Variants in PARD6G observed in about 807,000 individuals in gnomAD.
PARD6G encodes the protein partitioning defective 6 homolog gamma.
PARD6G carries 7 observed loss-of-function variants against 10.7 expected under a neutral mutation model. The observed-to-expected ratio is 0.66, with a 90% CI of 0.37 to 1.23. The LOEUF is 1.23. PARD6G is among the 50% of genes most tolerant of loss of function. The probability of loss-of-function intolerance (pLI) is 0.02; values close to 1 mark genes in which losing one functional copy is unlikely to be tolerated. For synonymous variants in PARD6G, 287 were observed against 269.4 expected (o/e 1.07, Z -0.64); for missense variants, 548 against 571.8 (o/e 0.96, Z 0.42).
intron 1 of PARD6G, among the ~76,000 whole-genome samples, chr18:80,224,576 G>A (rs186302933): frequency 1.1e-4 from 17 of 152,226 alleles, no homozygotes; most frequent in African/African-American, 1.4e-4. Flanking sequence ...GGCCGGGTGC[G>A]GTGGCTCACG....
rs766706380 is a variant in PARD6G at position 80,160,311 on chromosome 18, G to C, written c.591C>G (p.Arg197=). Residue 197 remains arginine (R), a synonymous_variant, in exon 3 of 3, where the codon CGC becomes CGG. Transcript: ENST00000353265. Reference sequence around the variant, plus strand: ...TCTCCGCCAGGCCCCCGGGTACCATGCGCGAGATGAAGATGCCGGGCACCT... The same window carrying C: ...TCTCCGCCAGGCCCCCGGGTACCATCCGCGAGATGAAGATGCCGGGCACCT... ...LEKVPGIFIS[R]MVPGGLAEST... The C allele has an allele frequency of 1.4e-5, 23 of 1,612,090 alleles. No homozygotes were observed. Among genetic ancestry groups the C allele is most frequent in the Non-Finnish European group, 1.8e-5 (21 of 1,179,854 alleles).
chr18:80,197,289 A>G (rs947965709), intron 2 of PARD6G, among the ~76,000 whole-genome samples: 2 of 152,230 alleles, frequency 1.3e-5, no homozygotes, highest in African/African-American at 4.8e-5. Context: ...TCTATGCTTG[A>G]TACTTGAAAA....
intron 2 of PARD6G, among the ~76,000 whole-genome samples, chr18:80,164,844 CAG>C (rs1289197287): frequency 6.6e-6 from 1 of 152,102 alleles, no homozygotes; most frequent in Admixed American, 6.5e-5. Flanking sequence ...GGGTGTAAAA[CAG>C]GGAGTGGGTA....
At chr18:80,234,234 T>C (rs1201847918) in intron 1 of PARD6G, among the ~76,000 whole-genome samples, 1 of 152,042 alleles carries the variant, frequency 6.6e-6, no homozygotes, top group Non-Finnish European at 1.5e-5. Flanking sequence ...TCATCTCAGG[T>C]CCCAGCTTCT....
chr18:80,172,306 C>T (rs1427006477), intron 2 of PARD6G, among the ~76,000 whole-genome samples: 1 of 151,968 alleles, frequency 6.6e-6, no homozygotes, highest in Non-Finnish European at 1.5e-5. Flanking sequence ...GCTTATTGGC[C>T]ACTTGAATAT....
chr18:80,168,049 T>A (rs1459283214), intron 2 of PARD6G, among the ~76,000 whole-genome samples: 2 of 152,170 alleles, frequency 1.3e-5, no homozygotes, highest in African/African-American at 4.8e-5. Context: ...CGACTCTGGT[T>A]CTTCCTGAAC....
intron 2 of PARD6G, among the ~76,000 whole-genome samples, chr18:80,187,298 C>G (rs1438556416): frequency 6.6e-6 from 1 of 152,118 alleles, no homozygotes; most frequent in Non-Finnish European, 1.5e-5. Flanking sequence ...ACAGCTGACT[C>G]CCTCCCAGTG....
At chr18:80,177,023 G>A (rs1025931261) in intron 2 of PARD6G, among the ~76,000 whole-genome samples, 5 of 78,766 alleles carry the variant, frequency 6.3e-5, no homozygotes, top group South Asian at 4.2e-4. Flanking sequence ...GCGCGCGCGC[G>A]TGCACACACA....
chr18:80,174,155 C>T (rs1410944185), intron 2 of PARD6G, among the ~76,000 whole-genome samples: 1 of 152,206 alleles, frequency 6.6e-6, no homozygotes. Flanking sequence ...TGTGCTGCAG[C>T]AAGTTCACAG....
In PARD6G at chr18:80,192,571, C is replaced by T. The variant is rs899573949; in HGVS notation, c.295+10139G>A. On this transcript the variant is annotated intron_variant, in intron 2 of 2. Coordinates refer to ENST00000353265, the MANE Select transcript of PARD6G (RefSeq NM_032510.4). This position sits in a 1 kb window ranked among gnomAD's most constrained non-coding sequence, Gnocchi z 4.9. ...GGGAGAGCAGGTGCCACGGCGGGAG[C>T]CTGAAGCTCCACAATTGCCAAGGCA... Among the ~76,000 whole-genome samples the T allele has an allele frequency of 6.6e-6, 1 of 152,194 alleles. No individual in the cohort carries two copies. The highest frequency in any genetic ancestry group is 2.4e-5 in the African/African-American group (1 of 41,530).
rs2052892134 is a variant in PARD6G at position 80,188,589 on chromosome 18, C to A, written c.295+14121G>T. ...CCCAGCCCTCCTCGGATGCCCAGTT[C>A]GCCAGAGGAAGGGTCTCTCTGTTTC... is the stretch of plus-strand genomic sequence containing the variant. On this transcript the variant is annotated intron_variant, in intron 2 of 2. Transcript: ENST00000353265. The surrounding 1 kb of genome is among the most constrained non-coding windows in gnomAD (Gnocchi z 5.4). Among the ~76,000 whole-genome samples, 1 of 152,176 alleles carries A rather than the reference C, an allele frequency of 6.6e-6. No homozygotes were observed. The highest frequency in any genetic ancestry group is 6.5e-5 in the Admixed American group (1 of 15,282).
intron 2 of PARD6G, among the ~76,000 whole-genome samples, chr18:80,179,762 G>A (rs1413211504): frequency 6.6e-6 from 1 of 152,218 alleles, no homozygotes; most frequent in Non-Finnish European, 1.5e-5. Context: ...TTCCGTGCAC[G>A]GCGGTCACCA....
At chr18:80,179,888 A>G (rs1230040965) in intron 2 of PARD6G, among the ~76,000 whole-genome samples, 1 of 152,236 alleles carries the variant, frequency 6.6e-6, no homozygotes, top group Admixed American at 6.5e-5. Context: ...TTGGTTAGGA[A>G]TGCAATGGCC....
chr18:80,193,167 G>T (rs1185842301), intron 2 of PARD6G, among the ~76,000 whole-genome samples: 1 of 152,108 alleles, frequency 6.6e-6, no homozygotes, highest in African/African-American at 2.4e-5. Flanking sequence ...TCCTGACCCT[G>T]ACGTCCTCCC....
chr18:80,234,496 C>T (rs2145303920), intron 1 of PARD6G, among the ~76,000 whole-genome samples: 1 of 152,254 alleles, frequency 6.6e-6, no homozygotes, highest in Middle Eastern at 3.4e-3. Context: ...TGCCTCACCC[C>T]AAATCCAGAC....
chr18:80,182,500 T>C lies in PARD6G; in HGVS notation c.295+20210A>G, dbSNP rs767553808. ...GCTTGTTATTGCCAAGGAAGCCATCTTCCCCTGCTTTGACACCTCAACTGT... is the reference window on the plus strand; with the variant it reads ...GCTTGTTATTGCCAAGGAAGCCATCCTCCCCTGCTTTGACACCTCAACTGT... On this transcript the variant is annotated intron_variant, in intron 2 of 2. Coordinates refer to ENST00000353265, the MANE Select transcript of PARD6G (RefSeq NM_032510.4). This position sits in a 1 kb window ranked among gnomAD's most constrained non-coding sequence, Gnocchi z 4.5. Among the ~76,000 whole-genome samples the C allele has an allele frequency of 9.2e-5, 14 of 152,288 alleles. No homozygotes were observed. Among genetic ancestry groups the C allele is most frequent in the Non-Finnish European group, 1.8e-4 (12 of 68,048 alleles).
intron 1 of PARD6G, among the ~76,000 whole-genome samples, chr18:80,204,848 A>G (rs1225899028): frequency 2.6e-5 from 4 of 152,138 alleles, no homozygotes; most frequent in East Asian, 3.8e-4. Context: ...CAATCTCAGG[A>G]GTCTGAGGCA....
At chr18:80,194,792 G>A (rs1399281823) in intron 2 of PARD6G, among the ~76,000 whole-genome samples, 2 of 149,188 alleles carry the variant, frequency 1.3e-5, no homozygotes, top group Non-Finnish European at 3.1e-5. Flanking sequence ...ACATAACTGA[G>A]GGGGGAAATG....
chr18:80,234,472 C>T (rs148295029), intron 1 of PARD6G, among the ~76,000 whole-genome samples: 6 of 152,276 alleles, frequency 3.9e-5, no homozygotes, highest in Admixed American at 3.9e-4. Context: ...TTCAAGGCCT[C>T]CAGGACCTAC....
Sources: gnomAD v4.1 joint callset for allele counts (sites outside exome capture counted in the v4.1 genomes callset) on GRCh38, gnomAD v4.1.1 for gene constraint, Gnocchi (gnomAD v3.1) non-coding constraint, MANE v1.5 for transcripts, NCBI Gene and HGNC (gene_info 2026-07-23, HGNC 2026-07-21) for gene names.